RHBG: variants seen among roughly 807,000 people sequenced by gnomAD.
RHBG encodes the protein ammonium transporter Rh type B.
Under a neutral mutation model 40.1 loss-of-function variants are expected in RHBG, and 39 were observed. The ratio of observed to expected loss-of-function variants is 0.97; its 90% CI spans 0.75 to 1.27. The LOEUF is 1.27. RHBG is among the 50% of genes most tolerant of loss of function. The pLI is 0.00. For synonymous variants in RHBG, 237 were observed against 252.5 expected (o/e 0.94, Z 0.58); for missense variants, 549 against 588.1 (o/e 0.93, Z 0.69).
intron 8 of RHBG, among the ~76,000 whole-genome samples, chr1:156,383,158 C>T (rs1193787438): frequency 1.3e-5 from 2 of 152,188 alleles, no homozygotes; most frequent in African/African-American, 4.8e-5. Flanking sequence ...GGAAGCCCAA[C>T]CTCAGGCTGA....
At chr1:156,370,087 C>T (rs528501139) in intron 1 of RHBG, among the ~76,000 whole-genome samples, 4 of 152,186 alleles carry the variant, frequency 2.6e-5, no homozygotes, top group Non-Finnish European at 4.4e-5. Context: ...GGGAGGCAGG[C>T]GGTTCACCTG....
In RHBG at chr1:156,375,104, T is replaced by C. The variant is rs144014609; in HGVS notation, c.188-2197T>C. On this transcript the variant is annotated intron_variant, in intron 1 of 9. Coordinates refer to ENST00000537040, the MANE Select transcript of RHBG (RefSeq NM_020407.5). ...TTTTTTTTTTGAGACAGAGTTTCGC[T>C]CTTGTTGCCCAGGCTGGAGTACAAT... Among the ~76,000 whole-genome samples the C allele has an allele frequency of 5.6e-3, 853 of 151,666 alleles. 6 individuals carry two copies. The highest frequency in any genetic ancestry group is 0.011 in the African/African-American group (458 of 41,350).
At chr1:156,378,173 G>A (rs377197491) in intron 3 of RHBG, 33 bp downstream of exon 3, 169 of 1,594,422 alleles carry the variant, frequency 1.1e-4, no homozygotes, top group Admixed American at 3.2e-4. Context: ...AGTCGGGGGT[G>A]GGGGGTGGTC....
chr1:156,369,344 T>A lies in RHBG; in HGVS notation c.95T>A (p.Val32Asp). ...GGCGCCACTGCCGTCCTCTTTGCTG[T>A]CTTTGTCCGCTACAACCACAAAACC... is the stretch of plus-strand genomic sequence containing the variant. ...LQGATAVLFA[V>D]FVRYNHKTDA... is the part of the protein sequence containing the mutation. Residue 32 changes from valine (V) to aspartate (D), a missense_variant, in exon 1 of 10, where the codon GTC becomes GAC. Coordinates refer to ENST00000537040, the MANE Select transcript of RHBG (RefSeq NM_020407.5). The A allele has an allele frequency of 6.2e-7, 1 of 1,614,220 alleles. No individual in the cohort carries two copies. The highest frequency in any genetic ancestry group is 8.5e-7 in the Non-Finnish European group (1 of 1,180,034).
In RHBG at chr1:156,369,276, G is replaced by C; in HGVS notation, c.27G>C (p.Ala9=). MAGSPSRA[A]GRRLQLPLLC... is the part of the protein sequence containing the mutation. ...TGGCCGGGTCTCCTAGCCGCGCCGC[G>C]GGCCGGCGACTGCAGCTTCCCCTGC... is the stretch of plus-strand genomic sequence containing the variant. The change falls in exon 1 of 10, where the codon GCG becomes GCC. Residue 9 remains alanine, a synonymous_variant. Coordinates refer to ENST00000537040, the MANE Select transcript of RHBG (RefSeq NM_020407.5). The C allele has an allele frequency of 1.2e-6, 2 of 1,613,640 alleles. No homozygotes were observed. Among genetic ancestry groups the C allele is most frequent in the Non-Finnish European group, 1.7e-6 (2 of 1,179,936 alleles).
rs993953218 is a variant in RHBG, at chr1:156,377,232, T to G, written c.188-69T>G. 1.1e-4 allele frequency: 162 copies of G among 1,516,134 alleles called. No homozygotes were observed. Among genetic ancestry groups the G allele is most frequent in the East Asian group, 3.9e-4 (17 of 43,758 alleles). The allele number at this position is 1,516,134 out of a possible 1,614,324, so 93.9% of individuals were successfully genotyped here. On this transcript the variant is annotated intron_variant, in intron 1 of 9. Coordinates refer to ENST00000537040, the MANE Select transcript of RHBG (RefSeq NM_020407.5). The surrounding 1 kb of genome is among the most constrained non-coding windows in gnomAD (Gnocchi z 4.6). ...GTGAGAGCCAGGGGCACTGGCAGGG[T>G]AGCTGACTGGATTGTGGGCTATGGC...
At chr1:156,379,622 C>G (rs190102934) in intron 4 of RHBG, among the ~76,000 whole-genome samples, 9 of 152,272 alleles carry the variant, frequency 5.9e-5, no homozygotes, top group Admixed American at 1.3e-4. Context: ...CCTCCCAGCT[C>G]CTGGATTTTA....
Position 156,378,443 on chromosome 1 carries a change from G to A in RHBG, c.673+44G>A, listed in dbSNP as rs116575041. 5.4e-4 allele frequency: 837 copies of A among 1,542,902 alleles called. 1 individual carries two copies. The African/African-American group carries it at 0.01, about 19-fold the overall frequency. On this transcript the variant is annotated intron_variant, in intron 4 of 9. Transcript: ENST00000537040. ...GGTAGCAGGGCAGGGGGCTGGTCTGGAGGCCTCATCTGGGCCAGAGGTGAC... is the reference window on the plus strand; with the variant it reads ...GGTAGCAGGGCAGGGGGCTGGTCTGAAGGCCTCATCTGGGCCAGAGGTGAC...
chr1:156,381,825 C>T lies in RHBG; in HGVS notation c.860C>T (p.Ala287Val), dbSNP rs778886045. ...CCTTAGGTCCACATCCAAAATGCAGCGCTGGCTGGAGGGGTTGTGGTGGGG... is the reference window on the plus strand; with the variant it reads ...CCTTAGGTCCACATCCAAAATGCAGTGCTGGCTGGAGGGGTTGTGGTGGGG... ...RLDMVHIQNA[A>V]LAGGVVVGTS... Residue 287 changes from alanine (A) to valine (V), a missense_variant, in exon 6 of 10, where the codon GCG (alanine) becomes GTG (valine). Physicochemically the swap from Ala to Val is moderately conservative, Grantham distance 64. Around this residue, in one of 3 missense-constraint regions of RHBG, gnomAD observed 399 missense variants for 417.0 expected, o/e 0.96. Transcript: ENST00000537040. 1.6e-5 allele frequency: 25 copies of T among 1,587,194 alleles called. No homozygotes were observed. Among genetic ancestry groups the T allele is most frequent in the Middle Eastern group, 3.4e-4 (2 of 5,946 alleles).
intron 8 of RHBG, 46 bp from the exon 9 acceptor site, chr1:156,384,481 G>C (rs982787350): frequency 1.3e-6 from 2 of 1,583,716 alleles, no homozygotes; most frequent in Non-Finnish European, 1.7e-6. Context: ...CCTCCTCCAT[G>C]GTGGGGGGCA....
chr1:156,373,678 A>G (rs1667000123), intron 1 of RHBG, among the ~76,000 whole-genome samples: 1 of 152,164 alleles, frequency 6.6e-6, no homozygotes, highest in Non-Finnish European at 1.5e-5. Flanking sequence ...TTGATTCCAA[A>G]CAAACCTGGG....
At position 156,371,300 on chromosome 1, in the gene RHBG, C is replaced by T. The variant is rs557701608; in HGVS notation, c.187+1864C>T. ...TCAGCCTCCCGAGAAGCTGGGATTA[C>T]AGGCACCCACCAAAACACCTAGATA... On this transcript the variant is annotated intron_variant, in intron 1 of 9. Coordinates refer to ENST00000537040, the MANE Select transcript of RHBG (RefSeq NM_020407.5). The T allele has an allele frequency of 1.2e-5, 4 of 321,672 alleles. No homozygotes were observed. In the East Asian group the frequency reaches 4.7e-4, roughly 38 times the overall value. The allele number at this position is 321,672 out of a possible 1,614,324, so 19.9% of individuals were successfully genotyped here. A position where few individuals can be genotyped will look rare whatever the true frequency, so the allele number is the denominator to read the frequency against.
At chr1:156,383,523 G>A (rs1019868687) in intron 8 of RHBG, among the ~76,000 whole-genome samples, 115 of 152,210 alleles carry the variant, frequency 7.6e-4, no homozygotes, top group African/African-American at 2.7e-3. Context: ...TGATCCGCCC[G>A]CCTCGGCCTC....
chr1:156,372,926 G>A (rs1256561260), intron 1 of RHBG, among the ~76,000 whole-genome samples: 1 of 152,186 alleles, frequency 6.6e-6, no homozygotes, highest in East Asian at 1.9e-4. Flanking sequence ...CAAAGTGCTT[G>A]GATTACAGGC....
At chr1:156,383,576 T>TATTTTTTTTTTTTTTTTTTTTG (rs1667825521) in intron 8 of RHBG, among the ~76,000 whole-genome samples, 1 of 148,194 alleles carries the variant, frequency 6.7e-6, no homozygotes, top group African/African-American at 2.5e-5. Context: ...GTGCCTGGCC[T>TATTTTTTTTTTTTTTTTTTTTG]AGAATCTACA....
At chr1:156,382,363 C>T in intron 7 of RHBG, 162 bp downstream of exon 7, 2 of 925,722 alleles carry the variant, frequency 2.2e-6, no homozygotes, top group Non-Finnish European at 3.3e-6. Context: ...CCAGAAACTG[C>T]CTTCCTGGTC....
At chr1:156,380,819 G>T (rs562308604) in intron 4 of RHBG, among the ~76,000 whole-genome samples, 1 of 151,584 alleles carries the variant, frequency 6.6e-6, no homozygotes, top group South Asian at 2.1e-4. Flanking sequence ...GCTGCCATTT[G>T]CTGGGCATTT....
chr1:156,380,463 C>T (rs1388224362), intron 4 of RHBG, among the ~76,000 whole-genome samples: 4 of 151,930 alleles, frequency 2.6e-5, no homozygotes, highest in African/African-American at 9.7e-5. Flanking sequence ...TGGCTCACAC[C>T]TGTAATCTCA....
Position 156,381,865 on chromosome 1 carries a change from G to A in RHBG, c.900G>A (p.Met300Ile), listed in dbSNP as rs1409098664. 3 of 1,600,012 alleles carry A rather than the reference G, an allele frequency of 1.9e-6. No individual in the cohort carries two copies. In the Admixed American group the frequency reaches 5.6e-5, roughly 30 times the overall value. Residue 300 changes from methionine (M) to isoleucine (I), a missense_variant, in exon 6 of 10, where the codon ATG becomes ATA. Around this residue, in one of 3 missense-constraint regions of RHBG, gnomAD observed 399 missense variants for 417.0 expected, o/e 0.96. Coordinates refer to ENST00000537040, the MANE Select transcript of RHBG (RefSeq NM_020407.5). ...GGVVVGTSSE[M>I]MLTPFGALAA... ...TTGTGGTGGGGACCTCAAGTGAAAT[G>A]ATGCTGACACCCTTTGGGGCTCTGG...
Sources: allele counts gnomAD v4.1 joint callset (sites outside exome capture counted in the v4.1 genomes callset), GRCh38; gene constraint gnomAD v4.1.1; regional missense constraint gnomAD v4.1.1; non-coding constraint Gnocchi (gnomAD v3.1); transcripts MANE v1.5; gene names NCBI Gene and HGNC (gene_info 2026-07-23, HGNC 2026-07-21).